CNTRL: variants seen among roughly 807,000 people sequenced by gnomAD.
CNTRL encodes the protein 110 kDa centrosomal protein.
CNTRL carries 233 observed loss-of-function variants against 303.7 expected under a neutral mutation model. The observed-to-expected ratio is 0.77, with a 90% CI of 0.69 to 0.86. The LOEUF (loss-of-function observed/expected upper bound fraction) is 0.86. Ranked by LOEUF, CNTRL falls within the 40% of genes least tolerant of loss-of-function variation. The pLI is 0.00. For synonymous variants in CNTRL, 900 were observed against 922.2 expected (o/e 0.98, Z 0.44); for missense variants, 2,524 against 2,650.6 (o/e 0.95, Z 1.05).
chr9:121,126,081 CTT>C, intron 14 of CNTRL, 145 bp downstream of exon 14: 2 of 551,256 alleles, frequency 3.6e-6, no homozygotes, highest in East Asian at 3.2e-5. Flanking sequence ...AACAGTTGGG[CTT>C]TTTTTTTTCT....
In CNTRL at chr9:121,173,297, A is replaced by C; in HGVS notation, c.6472A>C (p.Arg2158=). ...RRQMEISDAM[R]TLKSEVKDEI... is the part of the protein sequence containing the mutation. ...ACAAATGGAAATCAGTGATGCAATG[A>C]GGACACTTAAATCTGAGGTGAAGGA... The change falls in exon 41 of 44, where the codon AGG becomes CGG. Residue 2158 remains arginine (R), a synonymous_variant. Transcript: ENST00000373855. 6.2e-7 allele frequency: 1 copy of C among 1,614,038 alleles called. No individual in the cohort carries two copies. Among genetic ancestry groups the C allele is most frequent in the Non-Finnish European group, 8.5e-7 (1 of 1,179,958 alleles).
rs1463671834 is a variant in CNTRL, at chr9:121,164,935, T to G, written c.5424-8T>G. 2 of 1,606,298 alleles carry G rather than the reference T, an allele frequency of 1.2e-6. No homozygotes were observed. Among genetic ancestry groups the G allele is most frequent in the Non-Finnish European group, 1.7e-6 (2 of 1,177,562 alleles). The stretch of plus-strand genomic sequence containing the variant: ...ATATTTGACAGTCTGACTTACTCTC[T>G]GTGGTAGGGTTTTAGCAGCAGCAGA... On this transcript the variant is annotated splice_region_variant and splice_polypyrimidine_tract_variant and intron_variant, in intron 34 of 43. Coordinates refer to ENST00000373855, the MANE Select transcript of CNTRL (RefSeq NM_007018.6).
chr9:121,177,193 C>T lies in CNTRL; in HGVS notation c.*7C>T. On this transcript the variant is annotated 3_prime_UTR_variant, in exon 44 of 44. Coordinates refer to ENST00000373855, the MANE Select transcript of CNTRL (RefSeq NM_007018.6). ...GAATGCCTCAGCCAGATGAGGAATA[C>T]TGTCTTGTGTAAATATATTCAAGGA... is the stretch of plus-strand genomic sequence containing the variant. 6.2e-7 allele frequency: 1 copy of T among 1,607,646 alleles called. No homozygotes were observed. Among genetic ancestry groups the T allele is most frequent in the Non-Finnish European group, 8.5e-7 (1 of 1,174,924 alleles).
chr9:121,075,915 G>T (rs944840653), intron 1 of CNTRL, among the ~76,000 whole-genome samples: 2 of 152,086 alleles, frequency 1.3e-5, no homozygotes, highest in Non-Finnish European at 2.9e-5. Context: ...AGGCTGTTTC[G>T]TTCCAGAATC....
At chr9:121,113,427 C>G in intron 9 of CNTRL, 75 bp from the exon 10 acceptor site, 1 of 738,874 alleles carries the variant, frequency 1.4e-6, no homozygotes, top group Non-Finnish European at 2.1e-6. Context: ...ATGTTTGCCA[C>G]TAATAAAATG....
rs1326936736 is a variant in CNTRL, at chr9:121,154,908, G to C, written c.4360G>C (p.Glu1454Gln). 1 of 1,614,090 alleles carries C rather than the reference G, an allele frequency of 6.2e-7. No homozygotes were observed. Among genetic ancestry groups the C allele is most frequent in the Admixed American group, 1.7e-5 (1 of 60,030 alleles). ...TGAGAGTGAACTTTCATGCACTAAA[G>C]AAAAGGTTTGTCTTCTTGTGGTTTG... ...EAESELSCTK[E>Q]KTKNAVEKFT... is the part of the protein sequence containing the mutation. The change falls in exon 27 of 44, where the codon GAA becomes CAA. Residue 1454 changes from glutamate to glutamine, a missense_variant. Transcript: ENST00000373855.
chr9:121,170,281 C>T (rs1376674305), intron 39 of CNTRL, among the ~76,000 whole-genome samples: 1 of 151,594 alleles, frequency 6.6e-6, no homozygotes, highest in Admixed American at 6.6e-5. Context: ...GTAGCTGGGA[C>T]TACAGGTGTG....
At chr9:121,132,285 G>A (rs2050909962) in intron 14 of CNTRL, among the ~76,000 whole-genome samples, 1 of 151,970 alleles carries the variant, frequency 6.6e-6, no homozygotes, top group Admixed American at 6.6e-5. Context: ...ACGTAGATTT[G>A]GTCTTTTCAC....
chr9:121,163,311 C>A (rs958572244), intron 34 of CNTRL, among the ~76,000 whole-genome samples: 2 of 85,402 alleles, frequency 2.3e-5, no homozygotes, highest in Non-Finnish European at 5.0e-5. Flanking sequence ...CAGAGTGAGA[C>A]CCTGTTTCAA....
chr9:121,151,825 G>A (rs1288135907), intron 25 of CNTRL, among the ~76,000 whole-genome samples: 1 of 152,202 alleles, frequency 6.6e-6, no homozygotes, highest in Non-Finnish European at 1.5e-5. Flanking sequence ...TAGGGCACAT[G>A]TCAAGTCACC....
chr9:121,150,141 A>G (rs777152013), intron 24 of CNTRL, 29 bp from the exon 25 acceptor site: 38 of 1,557,556 alleles, frequency 2.4e-5, no homozygotes, highest in Non-Finnish European at 3.0e-5. Flanking sequence ...TCTTTTGTTG[A>G]ATAAACTCTT....
intron 14 of CNTRL, among the ~76,000 whole-genome samples, chr9:121,129,282 G>C (rs1256405306): frequency 2.0e-5 from 3 of 152,190 alleles, no homozygotes; most frequent in Non-Finnish European, 4.4e-5. Context: ...AGCATGGAAT[G>C]TTCTTCCATT....
intron 8 of CNTRL, chr9:121,111,405 C>T (rs1253663886): frequency 6.6e-6 from 1 of 152,138 alleles, no homozygotes; most frequent in East Asian, 1.9e-4. Flanking sequence ...CAATGTTACC[C>T]ATTATCTAGG....
At chr9:121,133,173 A>T (rs1392719596) in intron 14 of CNTRL, among the ~76,000 whole-genome samples, 1 of 152,202 alleles carries the variant, frequency 6.6e-6, no homozygotes, top group Non-Finnish European at 1.5e-5. Context: ...CTCTCTTCAG[A>T]GCTGTCCTAC....
At position 121,104,285 on chromosome 9, in the gene CNTRL, A is replaced by G. The variant is rs185681537; in HGVS notation, c.809-3517A>G. ...CAAACTGTCACAAGGACAGAAAACC[A>G]AACACCGCATGTTCTCACTCATAGG... On this transcript the variant is annotated intron_variant, in intron 7 of 43. Transcript: ENST00000373855. Among the ~76,000 whole-genome samples the G allele has an allele frequency of 2.6e-5, 4 of 152,294 alleles. No individual in the cohort carries two copies. In the East Asian group the frequency reaches 5.8e-4, roughly 22 times the overall value.
At position 121,169,807 on chromosome 9, in the gene CNTRL, A is replaced by C. The variant is rs780946925; in HGVS notation, c.6267A>C (p.Lys2089Asn). 1.2e-6 allele frequency: 2 copies of C among 1,614,056 alleles called. No homozygotes were observed. Among genetic ancestry groups the C allele is most frequent in the Admixed American group, 3.3e-5 (2 of 59,986 alleles). ...ALKIQRSQLE[K>N]NLLEQKQENS... ...AGATCCAGCGGAGCCAGCTGGAGAAAAACCTTCTTGTGAGTACCTGCTGCC... is the reference window on the plus strand; with the variant it reads ...AGATCCAGCGGAGCCAGCTGGAGAACAACCTTCTTGTGAGTACCTGCTGCC... Residue 2089 changes from lysine to asparagine, a missense_variant, in exon 39 of 44, where the codon AAA becomes AAC. By Grantham distance (94) the Lys-to-Asn change is moderately conservative. Transcript: ENST00000373855.
Position 121,142,275 on chromosome 9 carries a change from G to A in CNTRL, c.2871+5G>A. 1.3e-6 allele frequency: 2 copies of A among 1,591,212 alleles called. No homozygotes were observed. Among genetic ancestry groups the A allele is most frequent in the African/African-American group, 1.4e-5 (1 of 73,248 alleles). On this transcript the variant is annotated splice_donor_5th_base_variant and intron_variant, in intron 19 of 43. Transcript: ENST00000373855. ...CTCCGAGAGTTAGAGAAAAAGGTAG[G>A]GGAGACTTAGAAAATGAGACACATA...
chr9:121,177,306 C>A lies in CNTRL; in HGVS notation c.*120C>A, dbSNP rs1468675761. On this transcript the variant is annotated 3_prime_UTR_variant, in exon 44 of 44. Coordinates refer to ENST00000373855, the MANE Select transcript of CNTRL (RefSeq NM_007018.6). ...TGCAGTGAACTGAGATTCTGAAACT[C>A]CACTGTAGTTTACTTTGCCTGTACC... 4 of 835,142 alleles carry A rather than the reference C, an allele frequency of 4.8e-6. No homozygotes were observed. The Admixed American group carries it at 6.6e-5, about 14-fold the overall frequency. 51.7% of individuals were successfully genotyped at this position (835,142 alleles called of 1,614,324 possible).
intron 6 of CNTRL, among the ~76,000 whole-genome samples, chr9:121,097,300 G>T (rs1253137565): frequency 6.6e-6 from 1 of 152,046 alleles, no homozygotes; most frequent in Non-Finnish European, 1.5e-5. Flanking sequence ...TCAAAGATGG[G>T]CCTCTATAGA....
Sources: gnomAD v4.1 joint callset for allele counts (sites outside exome capture counted in the v4.1 genomes callset) on GRCh38, gnomAD v4.1.1 for gene constraint, MANE v1.5 for transcripts, NCBI Gene and HGNC (gene_info 2026-07-23, HGNC 2026-07-21) for gene names.